MED15: variants seen among roughly 807,000 people sequenced by gnomAD.
MED15 encodes the protein mediator complex subunit 15.
In MED15, 41 loss-of-function variants were observed where a neutral mutation model predicts 118.7. The ratio of observed to expected loss-of-function variants is 0.35; its 90% CI spans 0.27 to 0.45. The LOEUF is 0.45. Ranked by LOEUF, MED15 falls within the 20% of genes least tolerant of loss-of-function variation. The pLI is 1.00. For synonymous variants in MED15, 436 were observed against 413.9 expected, an observed-to-expected ratio of 1.05 and a Z score of -0.65; for missense variants, 740 against 1,025.5, an observed-to-expected ratio of 0.72 and a Z score of 3.80.
rs558417618 is a variant in MED15 at position 20,529,774 on chromosome 22, TAGGG to T, written c.69-7341_69-7338del. ...CCACCTTGCCCTTTTGTATTTTTAG[TAGGG>T]ATGGGGTTTCACCATGTTGGCCAGT... On this transcript the variant is annotated intron_variant, in intron 1 of 17. Transcript: ENST00000263205. Among the ~76,000 whole-genome samples, 282 of 152,308 alleles carry T rather than the reference TAGGG, an allele frequency of 1.9e-3. 1 individual carries two copies. Among genetic ancestry groups the T allele is most frequent in the African/African-American group, 6.5e-3 (272 of 41,570 alleles).
intron 5 of MED15, among the ~76,000 whole-genome samples, chr22:20,562,504 C>A (rs1169361926): frequency 6.6e-6 from 1 of 152,066 alleles, no homozygotes; most frequent in African/African-American, 2.4e-5. Flanking sequence ...CCTGCCTCAG[C>A]CTCCTGAGTA....
At chr22:20,543,151 G>GTGTGTGTGTGTGTGTA (rs1346137661) in intron 2 of MED15, among the ~76,000 whole-genome samples, 1 of 82,032 alleles carries the variant, frequency 1.2e-5, no homozygotes, top group African/African-American at 5.4e-5. Flanking sequence ...GTGTGTGTGT[G>GTGTGTGTGTGTGTGTA]TATTTTTAAA....
chr22:20,582,893 C>T lies in MED15; in HGVS notation c.1463C>T (p.Pro488Leu), dbSNP rs767782389. ...SSFLPSPSPQ[P>L]SQSPVTARTP... ...TTCCTGCCCAGCCCCTCACCGCAGC[C>T]CTCCCAGAGCCCAGTGACGGCGCGG... Residue 488 changes from proline to leucine, a missense_variant, in exon 11 of 18, where the codon CCC becomes CTC. Around this residue, in one of 7 missense-constraint regions of MED15, gnomAD observed 384 missense variants for 506.3 expected, o/e 0.76. Coordinates refer to ENST00000263205, the MANE Select transcript of MED15 (RefSeq NM_001003891.3). 6.2e-7 allele frequency: 1 copy of T among 1,613,696 alleles called. No homozygotes were observed. The highest frequency in any genetic ancestry group is 1.1e-5 in the South Asian group (1 of 91,088).
intron 1 of MED15, among the ~76,000 whole-genome samples, chr22:20,533,079 G>A (rs1254401288): frequency 6.6e-6 from 1 of 152,202 alleles, no homozygotes; most frequent in Non-Finnish European, 1.5e-5. Context: ...GCTGGGGATG[G>A]CAGCAGAGCC....
chr22:20,529,908 G>A (rs192785178), intron 1 of MED15, among the ~76,000 whole-genome samples: 86 of 151,982 alleles, frequency 5.7e-4, no homozygotes, highest in African/African-American at 2.0e-3. Flanking sequence ...TGTATTTTTA[G>A]TAGAGACGTT....
chr22:20,541,570 G>A (rs958777815), intron 2 of MED15, among the ~76,000 whole-genome samples: 5 of 151,808 alleles, frequency 3.3e-5, no homozygotes, highest in Admixed American at 6.6e-5. Flanking sequence ...TACAGCCTTC[G>A]CCTCCCAAAT....
At chr22:20,529,572 C>T (rs1011558044) in intron 1 of MED15, among the ~76,000 whole-genome samples, 9 of 152,006 alleles carry the variant, frequency 5.9e-5, no homozygotes, top group Non-Finnish European at 8.8e-5. Flanking sequence ...TTATAATGCA[C>T]GCCACCATGC....
intron 5 of MED15, among the ~76,000 whole-genome samples, chr22:20,562,240 A>C (rs2056270839): frequency 6.6e-6 from 1 of 152,212 alleles, no homozygotes; most frequent in Non-Finnish European, 1.5e-5. Context: ...GTTATTGATA[A>C]ACAGACCAAA....
At chr22:20,553,107 A>G (rs749410439) in intron 3 of MED15, 38 bp from the exon 4 acceptor site, 7 of 1,584,602 alleles carry the variant, frequency 4.4e-6, no homozygotes, top group Non-Finnish European at 6.1e-6. Context: ...ATATAAAACT[A>G]TGTTTACTTT....
At chr22:20,553,055 C>A in intron 3 of MED15, 90 bp from the exon 4 acceptor site, 1 of 1,265,880 alleles carries the variant, frequency 7.9e-7, no homozygotes, top group Non-Finnish European at 1.1e-6. Flanking sequence ...AAGGCTTGGG[C>A]AAATGCCTAC....
In MED15 at chr22:20,508,292, A is replaced by T. The variant is rs910013750; in HGVS notation, c.68+546A>T. The T allele has an allele frequency of 2.1e-5, 28 of 1,302,440 alleles. 1 individual carries two copies. The South Asian group carries it at 3.5e-4, about 16-fold the overall frequency. The allele number at this position is 1,302,440 out of a possible 1,614,324, so 80.7% of individuals were successfully genotyped here. A position where few individuals can be genotyped will look rare whatever the true frequency, so the allele number is the denominator to read the frequency against. On this transcript the variant is annotated intron_variant, in intron 1 of 17. Coordinates refer to ENST00000263205, the MANE Select transcript of MED15 (RefSeq NM_001003891.3). ...CGAAGGATGGCAGGAAGCCGCTGTC[A>T]GGAAGCGATCGTCGTTTCTGGAGGA...
intron 9 of MED15, chr22:20,582,246 T>C (rs2057008974): frequency 5.6e-6 from 2 of 359,976 alleles, no homozygotes; most frequent in East Asian, 7.4e-5. Flanking sequence ...GAGGAGCATG[T>C]CACAGGACAG....
intron 9 of MED15, 137 bp downstream of exon 9, chr22:20,575,369 T>TG: frequency 7.4e-6 from 1 of 134,764 alleles, no homozygotes; most frequent in Non-Finnish European, 1.5e-5. Context: ...CCACAGTCCC[T>TG]TTTTTTTTTT....
chr22:20,516,370 A>G (rs1227118945), intron 1 of MED15, among the ~76,000 whole-genome samples: 1 of 152,112 alleles, frequency 6.6e-6, no homozygotes, highest in Non-Finnish European at 1.5e-5. Context: ...ATGGTTGCTG[A>G]ACCACAGCAG....
chr22:20,574,891 C>T (rs1411959488), intron 8 of MED15: 34 of 623,084 alleles, frequency 5.5e-5, no homozygotes, highest in Middle Eastern at 4.6e-4. Context: ...CTGGAAGCAG[C>T]ATTCTTGGCA....
intron 2 of MED15, chr22:20,550,991 A>T (rs1314000596): frequency 2.7e-6 from 1 of 368,222 alleles, no homozygotes; most frequent in Admixed American, 3.6e-5. Context: ...AAAGGCAGCA[A>T]CAGGCTGGGC....
rs2057068056 is a variant in MED15, at chr22:20,584,156, C to T, written c.1737-203C>T. ...CACTGTCCCTTCTCTTGACCCATCA[C>T]CTCACTCTGCCAACCAGGGACAAGC... is the stretch of plus-strand genomic sequence containing the variant. On this transcript the variant is annotated intron_variant, in intron 13 of 17. Coordinates refer to ENST00000263205, the MANE Select transcript of MED15 (RefSeq NM_001003891.3). 5.0e-6 allele frequency: 3 copies of T among 604,910 alleles called. 1 individual carries two copies. The East Asian group carries it at 8.3e-5, about 17-fold the overall frequency. The allele number at this position is 604,910 out of a possible 1,614,324, so 37.5% of individuals were successfully genotyped here.
chr22:20,526,292 G>C (rs2054642775), intron 1 of MED15, among the ~76,000 whole-genome samples: 1 of 152,172 alleles, frequency 6.6e-6, no homozygotes, highest in Non-Finnish European at 1.5e-5. Context: ...CTCCCCAGAG[G>C]TAGCAACTGC....
rs1042812290 is a variant in MED15 at position 20,566,888 on chromosome 22, T to G, written c.1041+71T>G. On this transcript the variant is annotated intron_variant, in intron 7 of 17. Coordinates refer to ENST00000263205, the MANE Select transcript of MED15 (RefSeq NM_001003891.3). ...TGTCAGCAGTAGTTTCTAGGCTCTT[T>G]GGCTAGAGATAGCATATCCTATTCT... 7.6e-6 allele frequency: 12 copies of G among 1,573,588 alleles called. No homozygotes were observed. In the African/African-American group the frequency reaches 1.5e-4, roughly 19 times the overall value.
Sources: allele counts gnomAD v4.1 joint callset (sites outside exome capture counted in the v4.1 genomes callset), GRCh38; gene constraint gnomAD v4.1.1; regional missense constraint gnomAD v4.1.1; transcripts MANE v1.5; gene names NCBI Gene and HGNC (gene_info 2026-07-23, HGNC 2026-07-21).